PSMD7: variants seen among roughly 807,000 people sequenced by gnomAD.
The protein encoded by PSMD7 is proteasome 26S subunit, non-ATPase 7, also known as 26S proteasome non-ATPase regulatory subunit 7.
Under a neutral mutation model 36.4 loss-of-function variants are expected in PSMD7, and 13 were observed. That is an observed-to-expected ratio of 0.36 (90% confidence interval 0.23 to 0.57). The LOEUF (loss-of-function observed/expected upper bound fraction) is 0.57. Ranked by LOEUF, PSMD7 falls within the 20% of genes least tolerant of loss-of-function variation. The pLI is 0.83. For synonymous variants in PSMD7, 186 were observed against 151.0 expected, an observed-to-expected ratio of 1.23 and a Z score of -1.70; for missense variants, 298 against 393.6, an observed-to-expected ratio of 0.76 and a Z score of 2.06.
chr16:74,304,555 G>T, intron 6 of PSMD7, 161 bp downstream of exon 6: 9 of 545,456 alleles, frequency 1.7e-5, no homozygotes, highest in Middle Eastern at 3.9e-4. Context: ...CCAGACCTTT[G>T]TTTTATTGTC....
At position 74,305,510 on chromosome 16, in the gene PSMD7, T is replaced by C; in HGVS notation, c.752T>C (p.Leu251Pro). The C allele has an allele frequency of 6.2e-7, 1 of 1,614,184 alleles. No individual in the cohort carries two copies. The highest frequency in any genetic ancestry group is 8.5e-7 in the Non-Finnish European group (1 of 1,180,042). The part of the protein sequence containing the change: ...SLQEFVKAFY[L>P]KTNDQMVVVY... The stretch of plus-strand genomic sequence containing the variant: ...CAGGAGTTCGTCAAGGCCTTTTACC[T>C]GAAGACCAATGACCAGATGGTGGTA... The change falls in exon 7 of 7, where the codon CTG becomes CCG. Residue 251 changes from leucine (L) to proline (P), a missense_variant. Physicochemically the swap from Leu to Pro is moderately conservative, Grantham distance 98 (BLOSUM62 -3). Transcript: ENST00000219313.
At chr16:74,302,803 G>C (rs577977833) in intron 5 of PSMD7, among the ~76,000 whole-genome samples, 1 of 152,228 alleles carries the variant, frequency 6.6e-6, no homozygotes, top group African/African-American at 2.4e-5. Context: ...GATGAATTAC[G>C]GTCTCCTTTT....
intron 3 of PSMD7, 73 bp downstream of exon 3, chr16:74,301,217 C>CT (rs1482397958): frequency 5.9e-6 from 6 of 1,012,964 alleles, no homozygotes; most frequent in Non-Finnish European, 8.9e-6. Flanking sequence ...GTTCGCTTTT[C>CT]TTTAACATCA....
At chr16:74,299,764 G>A (rs1214680034) in intron 1 of PSMD7, 2 of 351,130 alleles carry the variant, frequency 5.7e-6, no homozygotes, top group South Asian at 2.6e-5. Flanking sequence ...AAGCTGCAAA[G>A]AAAAAGTAAA....
At position 74,305,407 on chromosome 16, in the gene PSMD7, A is replaced by C; in HGVS notation, c.649A>C (p.Thr217Pro). The change falls in exon 7 of 7, where the codon ACA becomes CCA. Residue 217 changes from threonine (T) to proline (P), a missense_variant. Physicochemically the swap from Thr to Pro is conservative, Grantham distance 38. Transcript: ENST00000219313. ...CAGGAGCTACCTGGAAAAAGTCGCC[A>C]CAGGCAAGCTGCCCATCAACCACCA... The part of the protein sequence containing the change: ...DIRSYLEKVA[T>P]GKLPINHQII... 1 of 1,614,236 alleles carries C rather than the reference A, an allele frequency of 6.2e-7. No homozygotes were observed. Among genetic ancestry groups the C allele is most frequent in the Non-Finnish European group, 8.5e-7 (1 of 1,180,046 alleles).
intron 1 of PSMD7, 121 bp from the exon 2 acceptor site, chr16:74,299,994 A>G: frequency 1.2e-6 from 1 of 861,964 alleles, no homozygotes; most frequent in South Asian, 1.5e-5. Context: ...GTTTAGGGAG[A>G]TTAGTTCCCA....
intron 3 of PSMD7, 146 bp from the exon 4 acceptor site, chr16:74,301,409 A>G: frequency 3.1e-6 from 2 of 649,240 alleles, no homozygotes; most frequent in Non-Finnish European, 5.3e-6. Context: ...TCAGTCTTCC[A>G]TTAGAGTTTT....
chr16:74,299,381 T>C (rs2034138201), intron 1 of PSMD7, among the ~76,000 whole-genome samples: 1 of 152,142 alleles, frequency 6.6e-6, no homozygotes, highest in Non-Finnish European at 1.5e-5. Flanking sequence ...TCCTCCTCTA[T>C]TCATTCATTT....
intron 6 of PSMD7, 28 bp downstream of exon 6, chr16:74,304,422 A>G: frequency 6.3e-7 from 1 of 1,584,998 alleles, no homozygotes; most frequent in Non-Finnish European, 8.7e-7. Flanking sequence ...CATCAAAATC[A>G]TTCACTGCCC....
chr16:74,302,772 T>C (rs1325153412), intron 5 of PSMD7, among the ~76,000 whole-genome samples: 1 of 152,200 alleles, frequency 6.6e-6, no homozygotes, highest in Non-Finnish European at 1.5e-5. Flanking sequence ...AATTCCCCTT[T>C]TACAAATGAA....
At position 74,305,298 on chromosome 16, in the gene PSMD7, A is replaced by G. The variant is rs756723909; in HGVS notation, c.540A>G (p.Lys180=). 1.2e-6 allele frequency: 2 copies of G among 1,609,166 alleles called. No individual in the cohort carries two copies. Among genetic ancestry groups the G allele is most frequent in the South Asian group, 2.2e-5 (2 of 91,012 alleles). The stretch of plus-strand genomic sequence containing the variant: ...CTGTGGGTTATTACAGAGATATCAA[A>G]GACACGACGGTGGGCACTCTGTCCC... ...VGVEHLLRDI[K]DTTVGTLSQR... The change falls in exon 7 of 7, where the codon AAA becomes AAG. Residue 180 remains lysine, a synonymous_variant. Coordinates refer to ENST00000219313, the MANE Select transcript of PSMD7 (RefSeq NM_002811.5).
intron 6 of PSMD7, 39 bp downstream of exon 6, chr16:74,304,433 G>T (rs117961311): frequency 3.8e-6 from 6 of 1,561,200 alleles, no homozygotes; most frequent in Non-Finnish European, 5.3e-6. Context: ...TTCACTGCCC[G>T]AGAGGTCACA....
intron 6 of PSMD7, chr16:74,304,853 A>G (rs1216012793): frequency 5.9e-6 from 1 of 169,692 alleles, no homozygotes; most frequent in Non-Finnish European, 1.3e-5. Flanking sequence ...GGTTCCTTCT[A>G]GTTCTAAAAA....
In PSMD7 at chr16:74,304,346, A is replaced by C. The variant is rs909887898; in HGVS notation, c.482A>C (p.Glu161Ala). 1.9e-6 allele frequency: 3 copies of C among 1,614,048 alleles called. No homozygotes were observed. The African/African-American group carries it at 4.0e-5, about 22-fold the overall frequency. Reference sequence around the variant, plus strand: ...AAAACATTTGAACACGTGACCAGTGAAATTGGAGCAGAGGAAGCTGAGGAA... The same window carrying C: ...AAAACATTTGAACACGTGACCAGTGCAATTGGAGCAGAGGAAGCTGAGGAA... ...TSKTFEHVTSEIGAEEAEEVG... is the reference protein window; with the variant it reads ...TSKTFEHVTSAIGAEEAEEVG... Residue 161 changes from glutamate (E) to alanine (A), a missense_variant, in exon 6 of 7, where the codon GAA (glutamate) becomes GCA (alanine). Physicochemically the swap from Glu to Ala is moderately radical, Grantham distance 107. Coordinates refer to ENST00000219313, the MANE Select transcript of PSMD7 (RefSeq NM_002811.5).
At position 74,305,521 on chromosome 16, in the gene PSMD7, G is replaced by A; in HGVS notation, c.763G>A (p.Asp255Asn). ...FVKAFYLKTNDQMVVVYLASL... is the reference protein window; with the variant it reads ...FVKAFYLKTNNQMVVVYLASL... ...CAAGGCCTTTTACCTGAAGACCAAT[G>A]ACCAGATGGTGGTAGTGTACTTGGC... The change falls in exon 7 of 7, where the codon GAC (aspartate) becomes AAC (asparagine). Residue 255 changes from aspartate to asparagine, a missense_variant. Physicochemically the swap from Asp to Asn is conservative, Grantham distance 23. Coordinates refer to ENST00000219313, the MANE Select transcript of PSMD7 (RefSeq NM_002811.5). 4 of 1,614,128 alleles carry A rather than the reference G, an allele frequency of 2.5e-6. No homozygotes were observed. The highest frequency in any genetic ancestry group is 3.4e-6 in the Non-Finnish European group (4 of 1,180,034).
intron 3 of PSMD7, 74 bp downstream of exon 3, chr16:74,301,218 T>C: frequency 9.9e-7 from 1 of 1,009,494 alleles, no homozygotes; most frequent in Non-Finnish European, 1.5e-6. Flanking sequence ...TTCGCTTTTC[T>C]TTAACATCAA....
intron 4 of PSMD7, among the ~76,000 whole-genome samples, 199 bp from the exon 5 acceptor site, chr16:74,302,013 C>T (rs1210341787): frequency 3.3e-5 from 5 of 152,022 alleles, no homozygotes; most frequent in Non-Finnish European, 7.3e-5. Context: ...TGTACTGCCC[C>T]TCAGCTTATT....
Position 74,296,994 on chromosome 16 carries a change from C to G in PSMD7, c.74+6C>G. ...GTGGTGGATCATTTCAACCGGTGAG[C>G]GAGCGCCCTATAGCTGGGCCGGCGG... On this transcript the variant is annotated splice_donor_region_variant and intron_variant, in intron 1 of 6. Transcript: ENST00000219313. The G allele has an allele frequency of 6.2e-7, 1 of 1,610,802 alleles. No homozygotes were observed. Among genetic ancestry groups the G allele is most frequent in the Non-Finnish European group, 8.5e-7 (1 of 1,179,058 alleles).
In PSMD7 at chr16:74,296,825, A is replaced by T; in HGVS notation, c.-90A>T. 7.2e-7 allele frequency: 1 copy of T among 1,385,476 alleles called. No individual in the cohort carries two copies. The highest frequency in any genetic ancestry group is 1.0e-6 in the Non-Finnish European group (1 of 988,794). 85.8% of individuals were successfully genotyped at this position (1,385,476 alleles called of 1,614,324 possible). Reference sequence around the variant, plus strand: ...AGGGCTGACGAACCGGAAGAAGAGGAACTGGGCCTGAAAGGGTACCGGTGA... The same window carrying T: ...AGGGCTGACGAACCGGAAGAAGAGGTACTGGGCCTGAAAGGGTACCGGTGA... On this transcript the variant is annotated 5_prime_UTR_variant, in exon 1 of 7. Transcript: ENST00000219313.
Sources: allele counts gnomAD v4.1 joint callset (sites outside exome capture counted in the v4.1 genomes callset), GRCh38; gene constraint gnomAD v4.1.1; transcripts MANE v1.5; gene names NCBI Gene and HGNC (gene_info 2026-07-23, HGNC 2026-07-21).